SFXN4: variants seen among roughly 807,000 people sequenced by gnomAD.
SFXN4 encodes the protein sideroflexin 4.
SFXN4 carries 48 observed loss-of-function variants against 54.6 expected under a neutral mutation model. The observed-to-expected ratio is 0.88, with a 90% CI of 0.70 to 1.12. The LOEUF is 1.12. Among genes scored for constraint, SFXN4 ranks in the 50% most tolerant of loss-of-function variants. SFXN4 has a pLI of 0.00. For missense variants in SFXN4, 383 were observed against 409.2 expected, an observed-to-expected ratio of 0.94 and a Z score of 0.55; for synonymous variants, 130 against 145.5, an observed-to-expected ratio of 0.89 and a Z score of 0.77.
chr10:119,153,738 C>T (rs1443206921), intron 11 of SFXN4, among the ~76,000 whole-genome samples: 1 of 152,190 alleles, frequency 6.6e-6, no homozygotes, highest in Non-Finnish European at 1.5e-5. Flanking sequence ...AGGTACCCAG[C>T]ACTTGTCAGA....
At chr10:119,154,335 G>C (rs1847192814) in intron 11 of SFXN4, among the ~76,000 whole-genome samples, 2 of 152,146 alleles carry the variant, frequency 1.3e-5, no homozygotes, top group Non-Finnish European at 2.9e-5. Flanking sequence ...CAGCCTCCAG[G>C]CCTGCCCTGC....
At chr10:119,160,165 C>A (rs892878271) in intron 5 of SFXN4, among the ~76,000 whole-genome samples, 1 of 151,874 alleles carries the variant, frequency 6.6e-6, no homozygotes, top group Non-Finnish European at 1.5e-5. Flanking sequence ...GGTAACAGAG[C>A]GAGACCCTGT....
At chr10:119,164,057 A>G (rs1847663520) in intron 2 of SFXN4, 74 bp downstream of exon 2, 3 of 875,060 alleles carry the variant, frequency 3.4e-6, no homozygotes, top group East Asian at 5.7e-5. Context: ...AAAAAAAAAA[A>G]AAAAAAAGGG....
intron 2 of SFXN4, among the ~76,000 whole-genome samples, chr10:119,163,086 C>T (rs941187849): frequency 6.6e-6 from 1 of 152,300 alleles, no homozygotes; most frequent in Middle Eastern, 3.4e-3. Flanking sequence ...ACATGAGCCA[C>T]CACAGCCAGC....
intron 11 of SFXN4, among the ~76,000 whole-genome samples, chr10:119,149,181 T>C (rs965160290): frequency 6.6e-6 from 1 of 152,142 alleles, no homozygotes; most frequent in African/African-American, 2.4e-5. Flanking sequence ...AACCCACCCC[T>C]GGGTAAGACA....
At chr10:119,148,094 C>T (rs1846896973) in intron 11 of SFXN4, among the ~76,000 whole-genome samples, 1 of 152,092 alleles carries the variant, frequency 6.6e-6, no homozygotes, top group African/African-American at 2.4e-5. Context: ...ATCACTTGAA[C>T]CTGAGAGGCG....
rs965941576 is a variant in SFXN4 at position 119,147,859 on chromosome 10, G to A, written c.734C>T (p.Ala245Val). The change falls in exon 12 of 14, where the codon GCT (alanine) becomes GTT (valine). Residue 245 changes from alanine (A) to valine (V), a missense_variant and splice_region_variant. Physicochemically the swap from Ala to Val is moderately conservative, Grantham distance 64 (BLOSUM62 0). Coordinates refer to ENST00000355697, the MANE Select transcript of SFXN4 (RefSeq NM_213649.2). ...LGHSRIAGTK[A>V]VRETLASRIV... ...TCTGGATGCTAGCGTTTCTCTAACAGCCTAGCAAAAATGAAAAGAAAACAG... is the reference window on the plus strand; with the variant it reads ...TCTGGATGCTAGCGTTTCTCTAACAACCTAGCAAAAATGAAAAGAAAACAG... 1 of 1,613,616 alleles carries A rather than the reference G, an allele frequency of 6.2e-7. No individual in the cohort carries two copies. The highest frequency in any genetic ancestry group is 8.5e-7 in the Non-Finnish European group (1 of 1,179,540).
In SFXN4 at chr10:119,161,067, C is replaced by T; in HGVS notation, c.267G>A (p.Trp89Ter). 2 of 1,614,052 alleles carry T rather than the reference C, an allele frequency of 1.2e-6. No individual in the cohort carries two copies. Among genetic ancestry groups the T allele is most frequent in the Non-Finnish European group, 1.7e-6 (2 of 1,179,970 alleles). The change falls in exon 4 of 14, where the codon TGG becomes TGA. Residue 89 changes from tryptophan (W) to a stop codon, truncating the protein, a stop_gained. Coordinates refer to ENST00000355697, the MANE Select transcript of SFXN4 (RefSeq NM_213649.2). LOFTEE classifies it high-confidence loss of function. ...GGCTGAAACTTACAAGACTCCGCTT[C>T]CAAGCTTCTTGTATCTTAAAGGAGA... ...ASADQRIQEA[W>*]KRSLATVHPD...
rs774987294 is a variant in SFXN4 at position 119,162,426 on chromosome 10, T to C, written c.178-12A>G. 1.9e-6 allele frequency: 3 copies of C among 1,602,446 alleles called. No individual in the cohort carries two copies. The highest frequency in any genetic ancestry group is 2.2e-5 in the South Asian group (2 of 90,852). On this transcript the variant is annotated splice_polypyrimidine_tract_variant and intron_variant, in intron 2 of 13. Transcript: ENST00000355697. ...TTTTCTATACTTTCCTAAAATCAGA[T>C]ATCAAGTAATCAAGTAATGATCTCA...
In SFXN4 at chr10:119,146,369, C is replaced by T; in HGVS notation, c.819-16G>A. On this transcript the variant is annotated splice_polypyrimidine_tract_variant and intron_variant, in intron 12 of 13. Transcript: ENST00000355697. ...ATACTGGGTCCTGTAAGAGACAAGG[C>T]ATGGCTCACAAGTGATGTTAAACTA... 6.8e-7 allele frequency: 1 copy of T among 1,478,708 alleles called. No homozygotes were observed. The highest frequency in any genetic ancestry group is 9.4e-7 in the Non-Finnish European group (1 of 1,058,884). 91.6% of individuals were successfully genotyped at this position (1,478,708 alleles called of 1,614,324 possible). A position where few individuals can be genotyped will look rare whatever the true frequency, so the allele number is the denominator to read the frequency against.
At chr10:119,142,448 A>C (rs1846569889) in intron 13 of SFXN4, among the ~76,000 whole-genome samples, 1 of 151,874 alleles carries the variant, frequency 6.6e-6, no homozygotes, top group South Asian at 2.1e-4. Context: ...TAGTTACAAA[A>C]CTACTATGTC....
At chr10:119,147,673 T>C (rs907391346) in intron 12 of SFXN4, 102 bp downstream of exon 12, 10 of 933,512 alleles carry the variant, frequency 1.1e-5, no homozygotes, top group Non-Finnish European at 1.7e-5. Context: ...GGAAGGTTAC[T>C]GAGCCAACTT....
intron 12 of SFXN4, among the ~76,000 whole-genome samples, chr10:119,147,186 G>A (rs1238809324): frequency 6.6e-6 from 1 of 152,100 alleles, no homozygotes; most frequent in Non-Finnish European, 1.5e-5. Flanking sequence ...CGCCCAGCAG[G>A]GGAGCTTCTG....
At position 119,141,142 on chromosome 10, in the gene SFXN4, C is replaced by T; in HGVS notation, c.*100G>A. On this transcript the variant is annotated 3_prime_UTR_variant, in exon 14 of 14. Transcript: ENST00000355697. ...AGTCGCCTTGTCAGCACAGACACCT[C>T]TGGGGTCCCCAGAAGACCTGTGGCA... The T allele has an allele frequency of 1.2e-6, 1 of 801,728 alleles. No homozygotes were observed. The highest frequency in any genetic ancestry group is 2.2e-5 in the Admixed American group (1 of 44,524). 49.7% of individuals were successfully genotyped at this position (801,728 alleles called of 1,614,324 possible).
At chr10:119,165,502 T>C in intron 1 of SFXN4, 35 bp downstream of exon 1, 1 of 1,536,628 alleles carries the variant, frequency 6.5e-7, no homozygotes, top group Admixed American at 2.0e-5. Flanking sequence ...GCCCGCCCCC[T>C]CCCTGCCCCT....
At chr10:119,153,395 C>A in intron 11 of SFXN4, among the ~76,000 whole-genome samples, 1 of 132,674 alleles carries the variant, frequency 7.5e-6, no homozygotes, top group Non-Finnish European at 1.6e-5. Context: ...AGAAGGAGAC[C>A]CTGTCTCAAA....
At position 119,146,286 on chromosome 10, in the gene SFXN4, T is replaced by C. The variant is rs773432620; in HGVS notation, c.886A>G (p.Met296Val). The change falls in exon 13 of 14, where the codon ATG (methionine) becomes GTG (valine). Residue 296 changes from methionine to valine, a missense_variant. Coordinates refer to ENST00000355697, the MANE Select transcript of SFXN4 (RefSeq NM_213649.2). ...ILKLSCTVLA[M>V]GLMVPFSFSI... ...AAAGAAAATGGCACCATCAGTCCCATTGCCAGGACAGTACAAGACAGTTTC... is the reference window on the plus strand; with the variant it reads ...AAAGAAAATGGCACCATCAGTCCCACTGCCAGGACAGTACAAGACAGTTTC... 6 of 1,613,662 alleles carry C rather than the reference T, an allele frequency of 3.7e-6. No individual in the cohort carries two copies. The South Asian group carries it at 4.4e-5, about 12-fold the overall frequency.
At chr10:119,159,077 C>T (rs770378375) in intron 6 of SFXN4, among the ~76,000 whole-genome samples, 8 of 152,124 alleles carry the variant, frequency 5.3e-5, no homozygotes, top group African/African-American at 7.2e-5. Flanking sequence ...GTCAGGAATT[C>T]GAGACCAGCC....
chr10:119,141,890 C>T (rs1467681584), intron 13 of SFXN4, among the ~76,000 whole-genome samples: 1 of 152,028 alleles, frequency 6.6e-6, no homozygotes, highest in African/African-American at 2.4e-5. Context: ...TGGTGGCACA[C>T]ACCTGTAATC....
Sources: gnomAD v4.1 joint callset for allele counts (sites outside exome capture counted in the v4.1 genomes callset) on GRCh38, gnomAD v4.1.1 for gene constraint, MANE v1.5 for transcripts, NCBI Gene and HGNC (gene_info 2026-07-23, HGNC 2026-07-21) for gene names.